NELL1: variants seen among roughly 807,000 people sequenced by gnomAD.
NELL1 encodes neural EGFL like 1.
Under a neutral mutation model 107.4 loss-of-function variants are expected in NELL1, and 76 were observed. That is an observed-to-expected ratio of 0.71 (90% CI 0.59 to 0.86). The LOEUF (loss-of-function observed/expected upper bound fraction) is 0.86, where lower values mean the gene tolerates loss of function less well. Ranked by LOEUF, NELL1 falls within the 40% of genes least tolerant of loss-of-function variation. NELL1 has a pLI of 0.00. For missense variants in NELL1, 1,024 were observed against 1,005.5 expected (o/e 1.02, Z -0.25); for synonymous variants, 353 against 341.2 (o/e 1.03, Z -0.38).
chr11:21,428,540 T>C (rs916222712), intron 15 of NELL1, among the ~76,000 whole-genome samples: 4 of 152,198 alleles, frequency 2.6e-5, no homozygotes, highest in African/African-American at 7.2e-5. Flanking sequence ...ATTTATTTTT[T>C]ATAAAATGTT....
At chr11:21,405,181 C>A (rs1288716335) in intron 15 of NELL1, among the ~76,000 whole-genome samples, 3 of 127,378 alleles carry the variant, frequency 2.4e-5, no homozygotes, top group Non-Finnish European at 4.9e-5. Context: ...ATCACATAAG[C>A]CACTTTGATG....
chr11:21,455,012 T>C (rs1041963301), intron 15 of NELL1, among the ~76,000 whole-genome samples: 6 of 152,248 alleles, frequency 3.9e-5, no homozygotes, highest in Non-Finnish European at 5.9e-5. Context: ...AATCTTTTTG[T>C]CGTAGATCCA....
intron 14 of NELL1, among the ~76,000 whole-genome samples, chr11:21,281,949 T>C (rs1399586657): frequency 6.6e-6 from 1 of 152,226 alleles, no homozygotes; most frequent in Non-Finnish European, 1.5e-5. Flanking sequence ...AAATTCTTCT[T>C]GTGTAATAAT....
chr11:20,735,770 A>G (rs1322185859), intron 2 of NELL1, among the ~76,000 whole-genome samples: 4 of 152,232 alleles, frequency 2.6e-5, no homozygotes, highest in Non-Finnish European at 5.9e-5. Flanking sequence ...ATAAAAAGGT[A>G]CAGTGACAAA....
chr11:21,206,164 G>T (rs1857385680), intron 13 of NELL1, among the ~76,000 whole-genome samples: 1 of 152,096 alleles, frequency 6.6e-6, no homozygotes, highest in Non-Finnish European at 1.5e-5. Flanking sequence ...AAATTAAGGG[G>T]TCAACAGGTC....
intron 1 of NELL1, among the ~76,000 whole-genome samples, chr11:20,675,031 G>A (rs1046167268): frequency 2.0e-5 from 3 of 152,134 alleles, no homozygotes; most frequent in Non-Finnish European, 4.4e-5. Flanking sequence ...ATTTGGCTGG[G>A]CTTGGTTTCA....
At chr11:21,337,840 T>G (rs61885491) in intron 14 of NELL1, among the ~76,000 whole-genome samples, 24,508 of 109,636 alleles carry the variant, frequency 0.22, 2,879 homozygotes, top group African/African-American at 0.31. Flanking sequence ...TTCTTTCTTT[T>G]CTTTCTTTCT....
Position 21,229,460 on chromosome 11 carries a change from C to T in NELL1, c.1549+6C>T. ...GAACGGGACCATCTGCAGAGGTAGGCTTGCCGCCTTAGTGTTGAGTTGTGA... is the reference window on the plus strand; with the variant it reads ...GAACGGGACCATCTGCAGAGGTAGGTTTGCCGCCTTAGTGTTGAGTTGTGA... On this transcript the variant is annotated splice_donor_region_variant and intron_variant, in intron 14 of 19. Transcript: ENST00000357134. 2 of 1,613,464 alleles carry T rather than the reference C, an allele frequency of 1.2e-6. No individual in the cohort carries two copies. Among genetic ancestry groups the T allele is most frequent in the African/African-American group, 1.3e-5 (1 of 75,014 alleles).
At chr11:21,060,633 C>G (rs1227251242) in intron 12 of NELL1, among the ~76,000 whole-genome samples, 1 of 152,146 alleles carries the variant, frequency 6.6e-6, no homozygotes, top group Non-Finnish European at 1.5e-5. Context: ...CTTGAATTGT[C>G]TAGGACTAGC....
rs1590939141 is a variant in NELL1 at position 21,447,043 on chromosome 11, A to G, written c.1645+76095A>G. Among the ~76,000 whole-genome samples, 3 of 152,214 alleles carry G rather than the reference A, an allele frequency of 2.0e-5. No homozygotes were observed. In the South Asian group the frequency reaches 6.2e-4, roughly 32 times the overall value. On this transcript the variant is annotated intron_variant, in intron 15 of 19. Coordinates refer to ENST00000357134, the MANE Select transcript of NELL1 (RefSeq NM_006157.5). ...TACCCAGGCAGAAGTGTCTCTTCCC[A>G]TGTCTGCCACCAATACAGGCCCACA...
intron 2 of NELL1, among the ~76,000 whole-genome samples, chr11:20,728,897 A>G (rs1423727081): frequency 6.6e-6 from 1 of 152,218 alleles, no homozygotes; most frequent in Non-Finnish European, 1.5e-5. Flanking sequence ...TGCTCTGGGC[A>G]GTATGGCCAT....
At chr11:20,974,619 G>A (rs944676003) in intron 12 of NELL1, among the ~76,000 whole-genome samples, 1 of 152,048 alleles carries the variant, frequency 6.6e-6, no homozygotes, top group Admixed American at 6.6e-5. Flanking sequence ...GGTGCGGAGG[G>A]TAAACAGAGC....
intron 13 of NELL1, among the ~76,000 whole-genome samples, chr11:21,177,868 T>C (rs1318278507): frequency 6.6e-6 from 1 of 151,910 alleles, no homozygotes; most frequent in Non-Finnish European, 1.5e-5. Context: ...TGGTGATTCA[T>C]GATGTTGAAC....
chr11:21,128,923 A>C (rs575895411), intron 13 of NELL1, among the ~76,000 whole-genome samples: 338 of 152,354 alleles, frequency 2.2e-3, no homozygotes, highest in African/African-American at 7.7e-3. Flanking sequence ...AGTGCCCTCT[A>C]TCTATTTTTA....
chr11:20,871,991 C>G (rs1164911488), intron 4 of NELL1, among the ~76,000 whole-genome samples: 1 of 127,294 alleles, frequency 7.9e-6, no homozygotes, highest in African/African-American at 2.7e-5. Flanking sequence ...TGCATTCCAG[C>G]CTGGGCGACA....
intron 15 of NELL1, among the ~76,000 whole-genome samples, chr11:21,407,784 G>T (rs2133806130): frequency 6.7e-6 from 1 of 148,504 alleles, no homozygotes; most frequent in Non-Finnish European, 1.5e-5. Flanking sequence ...TCTTCGAATA[G>T]TCCTCAAACA....
chr11:20,963,343 CCA>C (rs1249294371), intron 12 of NELL1, among the ~76,000 whole-genome samples: 1 of 152,070 alleles, frequency 6.6e-6, no homozygotes, highest in African/African-American at 2.4e-5. Flanking sequence ...TCTATCCTCA[CCA>C]CACACACACT....
intron 13 of NELL1, among the ~76,000 whole-genome samples, chr11:21,134,017 A>G (rs1222282431): frequency 6.6e-6 from 1 of 152,264 alleles, no homozygotes; most frequent in Non-Finnish European, 1.5e-5. Context: ...GACAGGCCGC[A>G]GCTGCCATCA....
intron 12 of NELL1, among the ~76,000 whole-genome samples, chr11:21,085,023 T>C (rs78069739): frequency 0.013 from 1,964 of 152,322 alleles, 43 homozygotes; most frequent in African/African-American, 0.045. Flanking sequence ...TCTTTTATGG[T>C]GTAGGAATTA....
Sources: allele counts gnomAD v4.1 joint callset (sites outside exome capture counted in the v4.1 genomes callset), GRCh38; gene constraint gnomAD v4.1.1; transcripts MANE v1.5; gene names NCBI Gene and HGNC (gene_info 2026-07-23, HGNC 2026-07-21).